Variants in CHCHD3 observed in about 807,000 individuals in gnomAD.
CHCHD3 encodes MICOS complex subunit MIC19.
Under a neutral mutation model 38.2 loss-of-function variants are expected in CHCHD3, and 20 were observed. The observed-to-expected ratio is 0.52, with a 90% CI of 0.37 to 0.76. CHCHD3 has a LOEUF of 0.76. Among genes scored for constraint, CHCHD3 ranks in the 30% least tolerant of loss-of-function variants. CHCHD3 has a pLI of 0.00. For missense variants in CHCHD3, 245 were observed against 279.2 expected (o/e 0.88, Z 0.87); for synonymous variants, 82 against 100.0 (o/e 0.82, Z 1.07).
rs925901047 is a variant in CHCHD3, at chr7:133,021,390, T to C, written c.251+3156A>G. On this transcript the variant is annotated intron_variant, in intron 3 of 7. Coordinates refer to ENST00000262570, the MANE Select transcript of CHCHD3 (RefSeq NM_017812.4). ...CCTCCTTATGGAATGCTCATCATGA[T>C]TTCCTGCTGGGGAACTATTTCCTCA... 4.6e-5 allele frequency among the ~76,000 whole-genome samples: 7 copies of C among 152,196 alleles called. 1 individual carries two copies. Among genetic ancestry groups the C allele is most frequent in the African/African-American group, 1.7e-4 (7 of 41,462 alleles).
intron 4 of CHCHD3, among the ~76,000 whole-genome samples, chr7:132,887,248 AAGATT>A (rs1265834595): frequency 6.6e-6 from 1 of 151,956 alleles, no homozygotes; most frequent in Non-Finnish European, 1.5e-5. Flanking sequence ...ATACAATGTT[AAGATT>A]AGATTAAAGT....
intron 4 of CHCHD3, among the ~76,000 whole-genome samples, chr7:132,955,113 T>C (rs1011139812): frequency 6.6e-6 from 1 of 151,362 alleles, no homozygotes; most frequent in Non-Finnish European, 1.5e-5. Context: ...ACTATCACAC[T>C]GTGTGGCAGG....
intron 3 of CHCHD3, among the ~76,000 whole-genome samples, chr7:133,021,982 G>C (rs190113445): frequency 6.6e-6 from 1 of 152,170 alleles, no homozygotes; most frequent in African/African-American, 2.4e-5. Flanking sequence ...AGCTACTCGG[G>C]AGGCTGAGGC....
At chr7:133,055,355 T>G (rs1468107962) in intron 2 of CHCHD3, among the ~76,000 whole-genome samples, 1 of 145,612 alleles carries the variant, frequency 6.9e-6, no homozygotes. Flanking sequence ...TTAGTTGTAT[T>G]ATATATTTGA....
intron 4 of CHCHD3, among the ~76,000 whole-genome samples, chr7:132,951,113 T>G (rs1811027253): frequency 6.6e-6 from 1 of 152,182 alleles, no homozygotes; most frequent in Non-Finnish European, 1.5e-5. Context: ...AATTCTAATG[T>G]CATGATCCCC....
At chr7:132,895,981 C>A (rs772837383) in intron 4 of CHCHD3, among the ~76,000 whole-genome samples, 1 of 152,102 alleles carries the variant, frequency 6.6e-6, no homozygotes. Flanking sequence ...TTTTACAAAA[C>A]GGGTCATATG....
intron 5 of CHCHD3, among the ~76,000 whole-genome samples, 168 bp from the exon 6 acceptor site, chr7:132,838,637 G>A (rs3807326): frequency 0.29 from 44,528 of 152,112 alleles, 6,570 homozygotes; most frequent in East Asian, 0.37. Context: ...AAAGCTACTC[G>A]TTTAAATAAC....
intron 5 of CHCHD3, among the ~76,000 whole-genome samples, chr7:132,855,756 C>T (rs1808330449): frequency 6.6e-6 from 1 of 151,858 alleles, no homozygotes; most frequent in African/African-American, 2.4e-5. Context: ...TTTGGTGGCT[C>T]CTTAGCATTT....
At chr7:133,046,506 A>G (rs1237124371) in intron 2 of CHCHD3, among the ~76,000 whole-genome samples, 1 of 152,204 alleles carries the variant, frequency 6.6e-6, no homozygotes, top group Non-Finnish European at 1.5e-5. Flanking sequence ...GTCAGTGTAT[A>G]TTACAAACTT....
chr7:132,844,579 G>C (rs1808024581), intron 5 of CHCHD3, among the ~76,000 whole-genome samples: 1 of 152,180 alleles, frequency 6.6e-6, no homozygotes, highest in African/African-American at 2.4e-5. Context: ...AATATCAAAG[G>C]TGTGATTTAA....
chr7:132,981,513 G>T (rs985305074), intron 3 of CHCHD3, among the ~76,000 whole-genome samples: 1 of 152,132 alleles, frequency 6.6e-6, no homozygotes, highest in Non-Finnish European at 1.5e-5. Context: ...TTTTAAAATA[G>T]GCTCTTTTAA....
At chr7:133,045,681 T>C (rs113547730) in intron 2 of CHCHD3, among the ~76,000 whole-genome samples, 6,109 of 152,232 alleles carry the variant, frequency 0.04, 406 homozygotes, top group African/African-American at 0.14. Context: ...TATGCTGATA[T>C]AGTTTGGATC....
chr7:132,922,526 C>T (rs1325852209), intron 4 of CHCHD3, among the ~76,000 whole-genome samples: 2 of 151,766 alleles, frequency 1.3e-5, no homozygotes, highest in African/African-American at 2.4e-5. Flanking sequence ...AAAGAGGCCT[C>T]AATATTATAT....
intron 4 of CHCHD3, among the ~76,000 whole-genome samples, chr7:132,967,818 AC>A (rs1035351244): frequency 8.8e-6 from 1 of 113,482 alleles, no homozygotes; most frequent in African/African-American, 3.3e-5. Flanking sequence ...AACAAGTAAG[AC>A]CCTGTCTCAA....
At chr7:132,789,769 G>A (rs757614782) in intron 7 of CHCHD3, among the ~76,000 whole-genome samples, 9 of 152,032 alleles carry the variant, frequency 5.9e-5, no homozygotes, top group Non-Finnish European at 1.3e-4. Flanking sequence ...AACTTACCCA[G>A]CGCCTCACCA....
intron 4 of CHCHD3, among the ~76,000 whole-genome samples, chr7:132,902,240 C>T (rs996498047): frequency 2.0e-5 from 3 of 152,176 alleles, no homozygotes; most frequent in African/African-American, 7.2e-5. Context: ...CTAGTTCAAC[C>T]ACTGTGGAAG....
chr7:132,875,662 T>C (rs1048974205), intron 5 of CHCHD3, among the ~76,000 whole-genome samples: 6 of 152,348 alleles, frequency 3.9e-5, no homozygotes, highest in East Asian at 1.9e-4. Flanking sequence ...TTTTGTGCCA[T>C]TTGTATTCAT....
intron 3 of CHCHD3, among the ~76,000 whole-genome samples, chr7:132,997,659 T>TA (rs71178073): frequency 0.11 from 9,257 of 80,658 alleles, 1,626 homozygotes; most frequent in East Asian, 0.35. Flanking sequence ...AACAGGGTTG[T>TA]AAAAAAAAAA....
intron 5 of CHCHD3, among the ~76,000 whole-genome samples, chr7:132,878,316 C>A (rs192894680): frequency 6.6e-6 from 1 of 151,834 alleles, no homozygotes; most frequent in South Asian, 2.1e-4. Flanking sequence ...AAGCTTCACA[C>A]AGAGGAGCAC....
Sources: allele counts gnomAD v4.1 joint callset (sites outside exome capture counted in the v4.1 genomes callset), GRCh38; gene constraint gnomAD v4.1.1; transcripts MANE v1.5; gene names NCBI Gene and HGNC (gene_info 2026-07-23, HGNC 2026-07-21).